CACNG2: variants seen among roughly 807,000 people sequenced by gnomAD.
CACNG2 encodes the protein voltage-dependent calcium channel gamma-2 subunit.
CACNG2 carries 3 observed loss-of-function variants against 25.9 expected under a neutral mutation model. The observed-to-expected ratio is 0.12, with a 90% CI of 0.05 to 0.30. CACNG2 has a LOEUF of 0.30. CACNG2 is among the 10% of genes least tolerant of loss of function. The pLI is 1.00. For missense variants in CACNG2, 341 were observed against 432.5 expected, an observed-to-expected ratio of 0.79 and a Z score of 1.88; for synonymous variants, 167 against 173.3, an observed-to-expected ratio of 0.96 and a Z score of 0.29.
chr22:36,658,967 C>T (rs978164692), intron 1 of CACNG2, among the ~76,000 whole-genome samples: 3 of 152,084 alleles, frequency 2.0e-5, no homozygotes, highest in Admixed American at 6.6e-5. Flanking sequence ...GCCGAGGGAG[C>T]GCCAGACGGT....
At chr22:36,575,151 C>A (rs902450860) in intron 2 of CACNG2, among the ~76,000 whole-genome samples, 1 of 152,190 alleles carries the variant, frequency 6.6e-6, no homozygotes, top group South Asian at 2.1e-4. Flanking sequence ...TACTGGGTTA[C>A]AGGGATTAAG....
At chr22:36,608,024 T>C (rs1935871055) in intron 1 of CACNG2, among the ~76,000 whole-genome samples, 1 of 152,186 alleles carries the variant, frequency 6.6e-6, no homozygotes, top group Non-Finnish European at 1.5e-5. Context: ...TGCACCTTGC[T>C]TGCTTTACCC....
At chr22:36,685,508 G>GC (rs1394849306) in intron 1 of CACNG2, among the ~76,000 whole-genome samples, 1 of 152,000 alleles carries the variant, frequency 6.6e-6, no homozygotes. Flanking sequence ...CCATCGCTCT[G>GC]CCCCCACCTC....
At chr22:36,646,432 G>A (rs546621026) in intron 1 of CACNG2, among the ~76,000 whole-genome samples, 2 of 152,232 alleles carry the variant, frequency 1.3e-5, no homozygotes, top group South Asian at 4.1e-4. Flanking sequence ...GAACGCTATC[G>A]TTGCTCCTAT....
At position 36,590,413 on chromosome 22, in the gene CACNG2, C is replaced by A. The variant is rs142133547; in HGVS notation, c.212-2865G>T. Among the ~76,000 whole-genome samples, 581 of 152,274 alleles carry A rather than the reference C, an allele frequency of 3.8e-3. 9 individuals carry two copies. Among genetic ancestry groups the A allele is most frequent in the African/African-American group, 0.012 (506 of 41,568 alleles). ...TCCCTCTAGCCTGGCACTCTGGAGG[C>A]CCCAGTTAGCTTGGCGAATGCTTCT... is the stretch of plus-strand genomic sequence containing the variant. On this transcript the variant is annotated intron_variant, in intron 1 of 3. Transcript: ENST00000300105.
chr22:36,664,633 C>G (rs961860877), intron 1 of CACNG2, among the ~76,000 whole-genome samples: 26 of 152,220 alleles, frequency 1.7e-4, no homozygotes, highest in African/African-American at 6.0e-4. Context: ...TGTCTTTCTA[C>G]TCACTGCTCA....
chr22:36,629,225 A>G (rs996091365), intron 1 of CACNG2, among the ~76,000 whole-genome samples: 1 of 152,192 alleles, frequency 6.6e-6, no homozygotes, highest in Non-Finnish European at 1.5e-5. Context: ...CCGAAGCCTT[A>G]AATACTGGTG....
intron 2 of CACNG2, among the ~76,000 whole-genome samples, chr22:36,570,944 G>A (rs537028413): frequency 3.3e-5 from 5 of 152,124 alleles, no homozygotes; most frequent in East Asian, 3.9e-4. Context: ...TGTCACAAAC[G>A]GAATGGGGAT....
At position 36,560,945 on chromosome 22, in the gene CACNG2, G is replaced by A. The variant is rs1603500015; in HGVS notation, c.*3406C>T. ...TTCTGCTTTTTAAAATTTTTTTTCTGTTAACAGTCTGAAAAAAAAAAAAAG... is the reference window on the plus strand; with the variant it reads ...TTCTGCTTTTTAAAATTTTTTTTCTATTAACAGTCTGAAAAAAAAAAAAAG... On this transcript the variant is annotated 3_prime_UTR_variant, in exon 4 of 4. Coordinates refer to ENST00000300105, the MANE Select transcript of CACNG2 (RefSeq NM_006078.5). The A allele has an allele frequency of 7.7e-6, 1 of 130,450 alleles. No homozygotes were observed. Among genetic ancestry groups the A allele is most frequent in the Admixed American group, 7.8e-5 (1 of 12,768 alleles). 8.1% of individuals were successfully genotyped at this position (130,450 alleles called of 1,614,324 possible). A position where few individuals can be genotyped will look rare whatever the true frequency, so the allele number is the denominator to read the frequency against.
chr22:36,663,390 G>T (rs780854850), intron 1 of CACNG2, among the ~76,000 whole-genome samples: 1 of 152,128 alleles, frequency 6.6e-6, no homozygotes, highest in Non-Finnish European at 1.5e-5. Context: ...AGGGAAATTG[G>T]ATTTCTGATG....
At chr22:36,568,263 A>G (rs903153386) in intron 2 of CACNG2, among the ~76,000 whole-genome samples, 3 of 152,038 alleles carry the variant, frequency 2.0e-5, no homozygotes, top group African/African-American at 7.2e-5. Context: ...TTTGGAGGGG[A>G]ATGTGCCAGG....
intron 1 of CACNG2, among the ~76,000 whole-genome samples, chr22:36,621,269 A>C (rs1340236456): frequency 6.6e-6 from 1 of 152,200 alleles, no homozygotes; most frequent in Non-Finnish European, 1.5e-5. Context: ...GCACTTTGGG[A>C]GGCCGAGGCG....
intron 1 of CACNG2, among the ~76,000 whole-genome samples, chr22:36,653,404 T>C (rs1936650436): frequency 2.0e-5 from 3 of 152,214 alleles, no homozygotes; most frequent in Admixed American, 1.3e-4. Flanking sequence ...CTTTGAATAT[T>C]TGGCTTCCTT....
chr22:36,657,092 AGGTAGT>A (rs1373913242), intron 1 of CACNG2, among the ~76,000 whole-genome samples: 1 of 152,212 alleles, frequency 6.6e-6, no homozygotes, highest in Non-Finnish European at 1.5e-5. Flanking sequence ...CAGCTCTCTC[AGGTAGT>A]GGTTGGGTTG....
chr22:36,595,933 T>C (rs1264728072), intron 1 of CACNG2, among the ~76,000 whole-genome samples: 1 of 152,240 alleles, frequency 6.6e-6, no homozygotes, highest in Admixed American at 6.5e-5. Flanking sequence ...GAATTGCAGC[T>C]TGCAGGTATT....
intron 1 of CACNG2, among the ~76,000 whole-genome samples, chr22:36,647,898 C>A (rs73884123): frequency 2.0e-5 from 3 of 152,118 alleles, no homozygotes; most frequent in Non-Finnish European, 2.9e-5. Context: ...CATGTGCATA[C>A]GTGTGTATAT....
intron 2 of CACNG2, among the ~76,000 whole-genome samples, chr22:36,575,969 A>C (rs1404873892): frequency 6.6e-6 from 1 of 152,238 alleles, no homozygotes; most frequent in Non-Finnish European, 1.5e-5. Flanking sequence ...CTGGGTTGCA[A>C]GGAGCTTTCT....
intron 1 of CACNG2, among the ~76,000 whole-genome samples, chr22:36,701,831 T>C (rs1056353327): frequency 1.3e-5 from 2 of 152,188 alleles, no homozygotes; most frequent in African/African-American, 4.8e-5. Context: ...CTGGAATAAT[T>C]AGGATTTACC....
chr22:36,591,482 C>A (rs927440290), intron 1 of CACNG2, among the ~76,000 whole-genome samples: 1 of 151,964 alleles, frequency 6.6e-6, no homozygotes, highest in African/African-American at 2.4e-5. Context: ...CCAGCCTGGG[C>A]AACATAGCAA....
Sources: gnomAD v4.1 joint callset for allele counts (sites outside exome capture counted in the v4.1 genomes callset) on GRCh38, gnomAD v4.1.1 for gene constraint, MANE v1.5 for transcripts, NCBI Gene and HGNC (gene_info 2026-07-23, HGNC 2026-07-21) for gene names.